Variants in TRAF2 observed in about 807,000 individuals in gnomAD.
TRAF2 encodes the protein TNF receptor associated factor 2.
A neutral mutation model predicts 55.6 loss-of-function variants in TRAF2; 6 were observed. The observed-to-expected ratio is 0.11, with a 90% confidence interval of 0.06 to 0.21. The LOEUF is 0.21. Ranked by LOEUF, TRAF2 falls within the 10% of genes least tolerant of loss-of-function variation. The pLI is 1.00. For missense variants in TRAF2, 561 were observed against 684.5 expected, an observed-to-expected ratio of 0.82 and a Z score of 2.01; for synonymous variants, 329 against 276.3, an observed-to-expected ratio of 1.19 and a Z score of -1.89.
At chr9:136,901,340 G>T (rs1849815868) in intron 4 of TRAF2, among the ~76,000 whole-genome samples, 1 of 152,212 alleles carries the variant, frequency 6.6e-6, no homozygotes, top group Non-Finnish European at 1.5e-5. Context: ...TGTCCACAGA[G>T]CCCAAAGGTA....
At chr9:136,922,679 GT>G (rs1850417929) in intron 9 of TRAF2, among the ~76,000 whole-genome samples, 1 of 135,900 alleles carries the variant, frequency 7.4e-6, no homozygotes, top group Non-Finnish European at 1.6e-5. Flanking sequence ...GCCTGGGGGC[GT>G]GTGGAGGACA....
At chr9:136,913,295 A>ATTTTTTTTTTTTTT (rs369765173) in intron 6 of TRAF2, among the ~76,000 whole-genome samples, 13 of 87,092 alleles carry the variant, frequency 1.5e-4, no homozygotes, top group African/African-American at 2.5e-4. Flanking sequence ...TTATAAAGGA[A>ATTTTTTTTTTTTTT]TTTTTTTTTT....
At chr9:136,889,219 GTTTT>G in intron 1 of TRAF2, among the ~76,000 whole-genome samples, 2 of 123,108 alleles carry the variant, frequency 1.6e-5, no homozygotes, top group South Asian at 5.4e-4. Context: ...GGTTTTTTCT[GTTTT>G]TTTTTTTTTT....
Position 136,923,865 on chromosome 9 carries a change from C to A in TRAF2, c.1152C>A (p.Ser384Arg). 3 of 1,613,646 alleles carry A rather than the reference C, an allele frequency of 1.9e-6. No homozygotes were observed. Among genetic ancestry groups the A allele is most frequent in the Non-Finnish European group, 2.5e-6 (3 of 1,179,876 alleles). The change falls in exon 10 of 11, where the codon AGC becomes AGA. Residue 384 changes from serine (S) to arginine (R), a missense_variant. Physicochemically the swap from Ser to Arg is moderately radical, Grantham distance 110. Coordinates refer to ENST00000247668, the MANE Select transcript of TRAF2 (RefSeq NM_021138.4). ...CTGCCTCCCCAGCCTTCTACACCAG[C>A]AGGTACGGCTACAAGATGTGTCTGC... is the stretch of plus-strand genomic sequence containing the variant. ...PAIFSPAFYTSRYGYKMCLRI... is the reference protein window; with the variant it reads ...PAIFSPAFYTRRYGYKMCLRI...
At chr9:136,890,918 C>T (rs1259484790) in intron 1 of TRAF2, among the ~76,000 whole-genome samples, 4 of 152,226 alleles carry the variant, frequency 2.6e-5, no homozygotes, top group East Asian at 1.9e-4. Flanking sequence ...TGGTGGAGGA[C>T]GTGCACTTTG....
chr9:136,899,154 G>A lies in TRAF2; in HGVS notation c.188+226G>A, dbSNP rs145372337. ...GGATACATGGGGTTAAATATAGTACGTCATTACAGTTAATTTTATCTTTTT... is the reference window on the plus strand; with the variant it reads ...GGATACATGGGGTTAAATATAGTACATCATTACAGTTAATTTTATCTTTTT... On this transcript the variant is annotated intron_variant, in intron 2 of 10. Coordinates refer to ENST00000247668, the MANE Select transcript of TRAF2 (RefSeq NM_021138.4). Among the ~76,000 whole-genome samples, 655 of 152,292 alleles carry A rather than the reference G, an allele frequency of 4.3e-3. 4 individuals are homozygous for A. The highest frequency in any genetic ancestry group is 0.015 in the African/African-American group (625 of 41,544).
chr9:136,886,374 G>A (rs2131267569), upstream of TRAF2: 1 of 985,042 alleles, frequency 1.0e-6, no homozygotes, highest in Non-Finnish European at 1.2e-6. Flanking sequence ...AGGCGCGCTC[G>A]GAGCGGGGCG....
At chr9:136,913,970 G>A (rs775439116) in intron 6 of TRAF2, among the ~76,000 whole-genome samples, 2 of 152,198 alleles carry the variant, frequency 1.3e-5, no homozygotes, top group Admixed American at 6.5e-5. Context: ...TGTGGGGCTC[G>A]CTGGATAGGA....
upstream of TRAF2, among the ~76,000 whole-genome samples, chr9:136,884,986 A>C (rs1162493607): frequency 6.6e-6 from 1 of 152,190 alleles, no homozygotes; most frequent in Non-Finnish European, 1.5e-5. Flanking sequence ...AACCTCACTG[A>C]GCCTGCAGGT....
At position 136,895,709 on chromosome 9, in the gene TRAF2, T is replaced by C. The variant is rs1849665287; in HGVS notation, c.-28-3004T>C. Among the ~76,000 whole-genome samples, 2 of 152,090 alleles carry C rather than the reference T, an allele frequency of 1.3e-5. 1 individual carries two copies. Among genetic ancestry groups the C allele is most frequent in the South Asian group, 4.1e-4 (2 of 4,826 alleles). On this transcript the variant is annotated intron_variant, in intron 1 of 10. Coordinates refer to ENST00000247668, the MANE Select transcript of TRAF2 (RefSeq NM_021138.4). The stretch of plus-strand genomic sequence containing the variant: ...TGAAAAATACAAAAAATTAGCCACC[T>C]GTGGTGGCGGGTACCTGTGGTCCCA...
In TRAF2 at chr9:136,899,762, C is replaced by T. The variant is rs1010654489; in HGVS notation, c.267+90C>T. On this transcript the variant is annotated intron_variant, in intron 3 of 10. Transcript: ENST00000247668. ...GGGTGGGGCTGGGCACAGTGGCTCA[C>T]ACCTGTAATCCCAGCACTTTGGGAG... 1.1e-4 allele frequency: 135 copies of T among 1,268,524 alleles called. No homozygotes were observed. In the East Asian group the frequency reaches 3.7e-3, roughly 35 times the overall value. The allele number at this position is 1,268,524 out of a possible 1,614,324, so 78.6% of individuals were successfully genotyped here.
chr9:136,916,406 T>C, intron 6 of TRAF2, 135 bp from the exon 7 acceptor site: 1 of 806,980 alleles, frequency 1.2e-6, no homozygotes, highest in Admixed American at 1.9e-5. Context: ...GGCTGTTGGG[T>C]TTCATTCAGT....
chr9:136,909,866 A>G, intron 5 of TRAF2, 54 bp from the exon 6 acceptor site: 1 of 1,591,722 alleles, frequency 6.3e-7, no homozygotes, highest in Non-Finnish European at 8.6e-7. Context: ...GCCGCCCTCC[A>G]CCCGCGCCTG....
rs199990999 is a variant in TRAF2, at chr9:136,916,609, C to G, written c.672C>G (p.Leu224=). Residue 224 remains leucine, a synonymous_variant, in exon 7 of 11, where the codon CTC becomes CTG. Transcript: ENST00000247668. Reference sequence around the variant, plus strand: ...GCAGATTCCACGCCATCGGCTGCCTCGAGACGGTGAGTCGGGGGGTCTGAG... The same window carrying G: ...GCAGATTCCACGCCATCGGCTGCCTGGAGACGGTGAGTCGGGGGGTCTGAG... ...VPCRFHAIGC[L]ETVEGEKQQE... The G allele has an allele frequency of 1.2e-6, 2 of 1,613,920 alleles. No homozygotes were observed. The highest frequency in any genetic ancestry group is 2.7e-5 in the African/African-American group (2 of 75,024).
intron 7 of TRAF2, among the ~76,000 whole-genome samples, chr9:136,919,094 C>G (rs963429411): frequency 1.2e-5 from 1 of 82,146 alleles, no homozygotes; most frequent in Admixed American, 1.1e-4. Context: ...GAGTCTCGCT[C>G]TGTTGGCCAG....
At chr9:136,884,376 G>A (rs113699407), upstream of TRAF2, among the ~76,000 whole-genome samples, 17 of 151,854 alleles carry the variant, frequency 1.1e-4, no homozygotes, top group Non-Finnish European at 2.1e-4. Context: ...TGAGCAACAC[G>A]GTGAAACCCC....
At chr9:136,884,204 T>TC (rs1457182035), upstream of TRAF2, among the ~76,000 whole-genome samples, 2 of 151,064 alleles carry the variant, frequency 1.3e-5, no homozygotes, top group East Asian at 4.1e-4. Context: ...CGCCTAGGCC[T>TC]CCCAAAGTGC....
intron 1 of TRAF2, among the ~76,000 whole-genome samples, chr9:136,892,408 G>A (rs1224953053): frequency 1.3e-5 from 2 of 151,566 alleles, no homozygotes; most frequent in Non-Finnish European, 2.9e-5. Flanking sequence ...AGGTTGCAGT[G>A]AGCCAAGATC....
intron 8 of TRAF2, 56 bp from the exon 9 acceptor site, chr9:136,920,980 CAG>C (rs939856796): frequency 1.9e-5 from 30 of 1,586,632 alleles, no homozygotes; most frequent in Non-Finnish European, 2.5e-5. Flanking sequence ...GTGTGGGAGG[CAG>C]GGGCTCGTGC....
Sources: gnomAD v4.1 joint callset for allele counts (sites outside exome capture counted in the v4.1 genomes callset) on GRCh38, gnomAD v4.1.1 for gene constraint, MANE v1.5 for transcripts, NCBI Gene and HGNC (gene_info 2026-07-23, HGNC 2026-07-21) for gene names.